ADAM32: variants seen among roughly 807,000 people sequenced by gnomAD.
ADAM32 encodes ADAM metallopeptidase domain 32.
In ADAM32, 89 loss-of-function variants were observed where a neutral mutation model predicts 114.9. That is an observed-to-expected ratio of 0.77 (90% CI 0.65 to 0.92). The LOEUF (loss-of-function observed/expected upper bound fraction) is 0.92, where lower values mean the gene tolerates loss of function less well. ADAM32 is among the 40% of genes least tolerant of loss of function. The probability of loss-of-function intolerance (pLI) is 0.00; values close to 1 mark genes in which losing one functional copy is unlikely to be tolerated. For synonymous variants in ADAM32, 285 were observed against 307.5 expected, an observed-to-expected ratio of 0.93 and a Z score of 0.77; for missense variants, 870 against 932.8, an observed-to-expected ratio of 0.93 and a Z score of 0.88.
At chr8:39,236,653 A>C (rs1162514032) in intron 16 of ADAM32, among the ~76,000 whole-genome samples, 2 of 152,188 alleles carry the variant, frequency 1.3e-5, no homozygotes, top group Non-Finnish European at 2.9e-5. Context: ...TGATGAGCTT[A>C]TATTGACACA....
At chr8:39,211,410 A>G in intron 12 of ADAM32, 86 bp downstream of exon 12, 1 of 1,252,476 alleles carries the variant, frequency 8.0e-7, no homozygotes, top group Non-Finnish European at 1.0e-6. Context: ...TCAAATGTGA[A>G]TGAGTACCAT....
chr8:39,215,362 A>G lies in ADAM32; in HGVS notation c.1233+4038A>G, dbSNP rs943855299. 3.3e-5 allele frequency among the ~76,000 whole-genome samples: 5 copies of G among 151,922 alleles called. No individual in the cohort carries two copies. The East Asian group carries it at 7.7e-4, about 23-fold the overall frequency. On this transcript the variant is annotated intron_variant, in intron 12 of 24. Transcript: ENST00000379907. ...TCTCAATTTCTTGCATCAATGTTTT[A>G]TAGTTTTCATTGTAGAGATCTTTCA...
chr8:39,136,663 A>C lies in ADAM32; in HGVS notation c.145A>C (p.Ile49Leu), dbSNP rs554935919. 2 of 1,534,556 alleles carry C rather than the reference A, an allele frequency of 1.3e-6. No individual in the cohort carries two copies. The highest frequency in any genetic ancestry group is 2.5e-5 in the South Asian group (2 of 79,186). Residue 49 changes from isoleucine to leucine, a missense_variant, in exon 3 of 25, where the codon ATA becomes CTA. Ile to Leu is a conservative substitution (Grantham distance 5, BLOSUM62 2). Transcript: ENST00000379907. ...GTTGTTTTGAATTCTCTAGGAACAA[A>C]TATCCTATATTATTCCAATAGATGA... ...NDSSEIEYEQ[I>L]SYIIPIDEKL...
At chr8:39,254,576 T>A in intron 18 of ADAM32, 60 bp downstream of exon 18, 1 of 1,312,560 alleles carries the variant, frequency 7.6e-7, no homozygotes, top group Non-Finnish European at 1.0e-6. Context: ...TTATCTTCAC[T>A]AAAACAAAGT....
At chr8:39,147,899 G>C (rs1166729726) in intron 4 of ADAM32, among the ~76,000 whole-genome samples, 2 of 151,786 alleles carry the variant, frequency 1.3e-5, no homozygotes, top group South Asian at 2.1e-4. Context: ...TCAGCCTCCC[G>C]AGTATTTGGG....
At position 39,243,056 on chromosome 8, in the gene ADAM32, A is replaced by T. The variant is rs566456897; in HGVS notation, c.1819-3027A>T. Among the ~76,000 whole-genome samples, 37 of 152,292 alleles carry T rather than the reference A, an allele frequency of 2.4e-4. 2 individuals are homozygous for T. In the South Asian group the frequency reaches 7.5e-3, roughly 31 times the overall value. ...AGGGGAGATAAATAAATTCCTGGAA[A>T]TATACAACCCTCCTAAATAAAATCA... is the stretch of plus-strand genomic sequence containing the variant. On this transcript the variant is annotated intron_variant, in intron 16 of 24. Transcript: ENST00000379907.
intron 1 of ADAM32, among the ~76,000 whole-genome samples, chr8:39,112,447 A>G (rs556713321): frequency 4.6e-4 from 70 of 152,286 alleles, no homozygotes; most frequent in African/African-American, 1.6e-3. Context: ...TTCCGTATTA[A>G]GGCTTCCCTT....
At position 39,130,956 on chromosome 8, in the gene ADAM32, C is replaced by CTTTTTTT. The variant is rs71218310; in HGVS notation, c.139-5689_139-5683dup. The CTTTTTTT allele has an allele frequency of 6.9e-3, 2,283 of 329,186 alleles. 10 individuals carry two copies. Among genetic ancestry groups the CTTTTTTT allele is most frequent in the South Asian group, 9.8e-3 (426 of 43,560 alleles). 20.4% of individuals were successfully genotyped at this position (329,186 alleles called of 1,614,324 possible). On this transcript the variant is annotated intron_variant, in intron 2 of 24. Coordinates refer to ENST00000379907, the MANE Select transcript of ADAM32 (RefSeq NM_145004.7). ...TTGGGAGACTGAGGCAGGAGGATGT[C>CTTTTTTT]TTTTTTTTTTTTTTTTTTGAGACAG... is the stretch of plus-strand genomic sequence containing the variant.
rs1314822501 is a variant in ADAM32 at position 39,256,478 on chromosome 8, T to A, written c.2006-709T>A. On this transcript the variant is annotated intron_variant, in intron 18 of 24. Transcript: ENST00000379907. ...GGAGATGACAGAAGTGATGCTGGCA[T>A]ATTATTCTGTTTGTGCCCCACAGCT... 5.3e-5 allele frequency among the ~76,000 whole-genome samples: 8 copies of A among 152,044 alleles called. No homozygotes were observed. The East Asian group carries it at 1.5e-3, about 29-fold the overall frequency.
intron 14 of ADAM32, among the ~76,000 whole-genome samples, chr8:39,231,196 A>T (rs1283304842): frequency 6.6e-6 from 1 of 152,158 alleles, no homozygotes; most frequent in Non-Finnish European, 1.5e-5. Flanking sequence ...TGAGCCCTTA[A>T]AAGACAGGAA....
At chr8:39,144,877 T>G (rs1357469388) in intron 3 of ADAM32, among the ~76,000 whole-genome samples, 1 of 152,158 alleles carries the variant, frequency 6.6e-6, no homozygotes, top group Non-Finnish European at 1.5e-5. Context: ...ATTGTTCCTG[T>G]TGCAGGTGAC....
intron 2 of ADAM32, among the ~76,000 whole-genome samples, chr8:39,132,752 A>ATT (rs35027560): frequency 0.029 from 4,294 of 149,312 alleles, 95 homozygotes; most frequent in Non-Finnish European, 0.045. Flanking sequence ...TAGTTGACAG[A>ATT]TTTTTTTTTT....
intron 2 of ADAM32, among the ~76,000 whole-genome samples, chr8:39,124,674 C>T (rs1802009685): frequency 6.6e-6 from 1 of 152,140 alleles, no homozygotes; most frequent in African/African-American, 2.4e-5. Context: ...CTTGGCCTCC[C>T]AAAGTGCTGA....
intron 2 of ADAM32, among the ~76,000 whole-genome samples, chr8:39,119,476 T>C (rs1246614745): frequency 6.6e-6 from 1 of 152,226 alleles, no homozygotes; most frequent in Non-Finnish European, 1.5e-5. Context: ...TTATGCTGAG[T>C]ATTTTTCATG....
At chr8:39,161,011 G>A in intron 7 of ADAM32, 46 bp downstream of exon 7, 1 of 1,457,438 alleles carries the variant, frequency 6.9e-7, no homozygotes, top group Non-Finnish European at 9.3e-7. Context: ...TGATCCAAAT[G>A]TATGATTATG....
At chr8:39,144,511 G>A (rs1007652203) in intron 3 of ADAM32, among the ~76,000 whole-genome samples, 5 of 152,218 alleles carry the variant, frequency 3.3e-5, no homozygotes, top group African/African-American at 1.2e-4. Flanking sequence ...TGGAGATGCT[G>A]GGTATGAAGT....
At chr8:39,273,572 A>G (rs1210852529) in intron 20 of ADAM32, among the ~76,000 whole-genome samples, 1 of 152,138 alleles carries the variant, frequency 6.6e-6, no homozygotes, top group Non-Finnish European at 1.5e-5. Flanking sequence ...TAGTAAACAC[A>G]TAAACCAAAA....
chr8:39,240,771 C>G (rs538512873), intron 16 of ADAM32, among the ~76,000 whole-genome samples: 7 of 152,258 alleles, frequency 4.6e-5, no homozygotes, highest in Admixed American at 2.6e-4. Flanking sequence ...CCTCATGGTT[C>G]AATTACCTTC....
intron 16 of ADAM32, among the ~76,000 whole-genome samples, chr8:39,244,148 C>T (rs1810741965): frequency 6.6e-6 from 1 of 152,114 alleles, no homozygotes; most frequent in African/African-American, 2.4e-5. Context: ...ACATACCATG[C>T]TCATGGATGG....
Sources: allele counts gnomAD v4.1 joint callset (sites outside exome capture counted in the v4.1 genomes callset), GRCh38; gene constraint gnomAD v4.1.1; transcripts MANE v1.5; gene names NCBI Gene and HGNC (gene_info 2026-07-23, HGNC 2026-07-21).